The following ENOPH1 variants were observed in gnomAD, a reference collection of about 807,000 sequenced individuals.
The protein encoded by ENOPH1 is enolase-phosphatase E1.
In ENOPH1, 14 loss-of-function variants were observed where a neutral mutation model predicts 31.1. The observed-to-expected ratio is 0.45, with a 90% CI of 0.30 to 0.70. ENOPH1 has a LOEUF of 0.70. Ranked by LOEUF, ENOPH1 falls within the 30% of genes least tolerant of loss-of-function variation. The pLI is 0.09. For synonymous variants in ENOPH1, 127 were observed against 123.2 expected (o/e 1.03, Z -0.21); for missense variants, 243 against 321.5 (o/e 0.76, Z 1.87).
intron 1 of ENOPH1, among the ~76,000 whole-genome samples, chr4:82,446,689 C>CTTTTT (rs1175624219): frequency 7.4e-5 from 5 of 67,510 alleles, no homozygotes; most frequent in Non-Finnish European, 1.2e-4. Flanking sequence ...GTGACGGAAT[C>CTTTTT]TTTTTTTTTT....
In ENOPH1 at chr4:82,460,271, A is replaced by G. The variant is rs949739629; in HGVS notation, c.*151A>G. On this transcript the variant is annotated 3_prime_UTR_variant, in exon 6 of 6. Coordinates refer to ENST00000273920, the MANE Select transcript of ENOPH1 (RefSeq NM_021204.5). ...TATGTGTATGCTCAGATTAACTTCC[A>G]TAGGTACATAAGTGAAAGAAGTCTC... The G allele has an allele frequency of 7.3e-5, 48 of 660,156 alleles. No individual in the cohort carries two copies. The highest frequency in any genetic ancestry group is 1.0e-4 in the Non-Finnish European group (42 of 407,118). The allele number at this position is 660,156 out of a possible 1,614,324, so 40.9% of individuals were successfully genotyped here.
At chr4:82,455,555 C>T (rs1002581389) in intron 4 of ENOPH1, among the ~76,000 whole-genome samples, 3 of 151,796 alleles carry the variant, frequency 2.0e-5, no homozygotes, top group Non-Finnish European at 4.4e-5. Context: ...CCAAGGTGGG[C>T]GGATCACGAG....
intron 5 of ENOPH1, among the ~76,000 whole-genome samples, chr4:82,459,474 G>A (rs186366056): frequency 1.3e-5 from 2 of 152,200 alleles, no homozygotes; most frequent in East Asian, 1.9e-4. Flanking sequence ...GTATTGTTTT[G>A]TAGAGATAGA....
chr4:82,452,787 A>C (rs961834628), intron 3 of ENOPH1, among the ~76,000 whole-genome samples: 1 of 150,742 alleles, frequency 6.6e-6, no homozygotes. Context: ...GGGTTTTATC[A>C]TGTTGTCCAG....
Position 82,460,120 on chromosome 4 carries a change from G to A in ENOPH1, c.786G>A (p.Ter262=). 6.2e-7 allele frequency: 1 copy of A among 1,614,192 alleles called. No homozygotes were observed. Among genetic ancestry groups the A allele is most frequent in the Non-Finnish European group, 8.5e-7 (1 of 1,180,026 alleles). ...FSELYLPSST[*] is the part of the protein sequence containing the mutation. The stretch of plus-strand genomic sequence containing the variant: ...AACTATACCTGCCTTCCTCAACCTA[G>A]AGAAGGGTTGTTAAGGCAGACCGCC... Residue 262 remains the stop codon, a stop_retained_variant, in exon 6 of 6, where the codon TAG becomes TAA. Transcript: ENST00000273920.
chr4:82,442,906 C>A (rs1296725723), intron 1 of ENOPH1, among the ~76,000 whole-genome samples: 1 of 152,160 alleles, frequency 6.6e-6, no homozygotes. Flanking sequence ...CTTACCGTGA[C>A]CTTTTCCTCC....
intron 1 of ENOPH1, among the ~76,000 whole-genome samples, chr4:82,441,548 G>T (rs1722041391): frequency 6.6e-6 from 1 of 152,138 alleles, no homozygotes; most frequent in Non-Finnish European, 1.5e-5. Context: ...GCAGGAGAAT[G>T]ACGTGAACCC....
chr4:82,438,957 A>C (rs1329192289), intron 1 of ENOPH1, among the ~76,000 whole-genome samples: 4 of 152,204 alleles, frequency 2.6e-5, no homozygotes, highest in Non-Finnish European at 5.9e-5. Context: ...GATTTTCAAA[A>C]CTGGTTTTGT....
At chr4:82,446,387 A>G (rs1722182137) in intron 1 of ENOPH1, among the ~76,000 whole-genome samples, 1 of 151,376 alleles carries the variant, frequency 6.6e-6, no homozygotes, top group African/African-American at 2.4e-5. Context: ...TCACCACTGC[A>G]CTCCAGCCTG....
At chr4:82,449,145 CAGG>C (rs779620661) in intron 2 of ENOPH1, among the ~76,000 whole-genome samples, 11 of 150,318 alleles carry the variant, frequency 7.3e-5, no homozygotes, top group Non-Finnish European at 1.3e-4. Flanking sequence ...GAGGCTGAGG[CAGG>C]AGAATTGCTT....
At chr4:82,442,970 G>T (rs1722079307) in intron 1 of ENOPH1, among the ~76,000 whole-genome samples, 1 of 152,126 alleles carries the variant, frequency 6.6e-6, no homozygotes, top group Non-Finnish European at 1.5e-5. Flanking sequence ...ACCACACCTG[G>T]CTAAGTTTTT....
chr4:82,460,330 T>G lies in ENOPH1; in HGVS notation c.*210T>G. 1 of 456,382 alleles carries G rather than the reference T, an allele frequency of 2.2e-6. No individual in the cohort carries two copies. The highest frequency in any genetic ancestry group is 3.6e-5 in the East Asian group (1 of 27,782). The allele number at this position is 456,382 out of a possible 1,614,324, so 28.3% of individuals were successfully genotyped here. A position where few individuals can be genotyped will look rare whatever the true frequency, so the allele number is the denominator to read the frequency against. On this transcript the variant is annotated 3_prime_UTR_variant, in exon 6 of 6. Coordinates refer to ENST00000273920, the MANE Select transcript of ENOPH1 (RefSeq NM_021204.5). ...GAACACAAAACTTATTTAAAGATGCTTTATATGTAGAAATTGTTTCAAATC... is the reference window on the plus strand; with the variant it reads ...GAACACAAAACTTATTTAAAGATGCGTTATATGTAGAAATTGTTTCAAATC...
At chr4:82,457,529 C>T (rs911542157) in intron 5 of ENOPH1, among the ~76,000 whole-genome samples, 1 of 152,116 alleles carries the variant, frequency 6.6e-6, no homozygotes, top group African/African-American at 2.4e-5. Context: ...AATGAACCAA[C>T]TCTGGGGGTT....
intron 1 of ENOPH1, among the ~76,000 whole-genome samples, chr4:82,435,960 C>T (rs192477248): frequency 3.3e-5 from 5 of 152,176 alleles, no homozygotes; most frequent in East Asian, 3.9e-4. Flanking sequence ...TTGAAAATTA[C>T]GAAGTCCTAT....
chr4:82,438,623 A>T (rs188948307), intron 1 of ENOPH1, among the ~76,000 whole-genome samples: 2 of 152,240 alleles, frequency 1.3e-5, no homozygotes, highest in African/African-American at 2.4e-5. Context: ...ACTGCACTGC[A>T]TGCAGCCTGG....
intron 1 of ENOPH1, among the ~76,000 whole-genome samples, chr4:82,441,627 G>C (rs550464577): frequency 3.3e-5 from 5 of 152,052 alleles, no homozygotes; most frequent in South Asian, 4.2e-4. Context: ...GAGCGAGACT[G>C]CATCTCAAAA....
chr4:82,430,773 G>GCGCCGCC lies in ENOPH1; in HGVS notation c.-55_-49dup. Reference sequence around the variant, plus strand: ...GTACCGGGGGCCGCAGCCGCAGCCGGCGCCGCCCTCCGCCCTCCCCAACAG... The same window carrying GCGCCGCC: ...GTACCGGGGGCCGCAGCCGCAGCCGGCGCCGCCCGCCGCCCTCCGCCCTCCCCAACAG... On this transcript the variant is annotated 5_prime_UTR_variant, in exon 1 of 6. Coordinates refer to ENST00000273920, the MANE Select transcript of ENOPH1 (RefSeq NM_021204.5). 6.5e-7 allele frequency: 1 copy of GCGCCGCC among 1,546,202 alleles called. No homozygotes were observed. The highest frequency in any genetic ancestry group is 8.9e-7 in the Non-Finnish European group (1 of 1,120,240).
chr4:82,451,644 G>A (rs974847418), intron 3 of ENOPH1, among the ~76,000 whole-genome samples: 4 of 152,186 alleles, frequency 2.6e-5, no homozygotes, highest in African/African-American at 7.2e-5. Context: ...GTGCCCCACC[G>A]TGTTGAGGTT....
rs763892387 is a variant in ENOPH1 at position 82,457,003 on chromosome 4, C to T, written c.611C>T (p.Thr204Ile). 1.9e-6 allele frequency: 3 copies of T among 1,613,992 alleles called. No individual in the cohort carries two copies. The highest frequency in any genetic ancestry group is 2.5e-6 in the Non-Finnish European group (3 of 1,179,952). ...ATTGCAGACAGCATTGGGTGCTCAA[C>T]CAACAACATTTTGTTTCTGACAGAT... ...RKIADSIGCS[T>I]NNILFLTDVT... is the part of the protein sequence containing the mutation. The change falls in exon 5 of 6, where the codon ACC (threonine) becomes ATC (isoleucine). Residue 204 changes from threonine to isoleucine, a missense_variant. By Grantham distance (89) the Thr-to-Ile change is moderately conservative. Transcript: ENST00000273920.
Sources: gnomAD v4.1 joint callset for allele counts (sites outside exome capture counted in the v4.1 genomes callset) on GRCh38, gnomAD v4.1.1 for gene constraint, MANE v1.5 for transcripts, NCBI Gene and HGNC (gene_info 2026-07-23, HGNC 2026-07-21) for gene names.